The following CCND3 variants were observed in gnomAD, a reference collection of about 807,000 sequenced individuals.
CCND3 encodes G1/S-specific cyclin-D3.
In CCND3, 9 loss-of-function variants were observed where a neutral mutation model predicts 28.7. The ratio of observed to expected loss-of-function variants is 0.31; its 90% confidence interval spans 0.19 to 0.55. CCND3 has a LOEUF of 0.55. Ranked by LOEUF, CCND3 falls within the 20% of genes least tolerant of loss-of-function variation. The probability of loss-of-function intolerance (pLI) is 0.93; values close to 1 mark genes in which losing one functional copy is unlikely to be tolerated. For missense variants in CCND3, 315 were observed against 385.8 expected, an observed-to-expected ratio of 0.82 and a Z score of 1.54; for synonymous variants, 164 against 163.9, an observed-to-expected ratio of 1.00 and a Z score of 0.00.
In CCND3 at chr6:42,036,403, A is replaced by ATATATTT. The variant is rs57619585; in HGVS notation, c.-46+12097_-46+12098insAAATATA. The stretch of plus-strand genomic sequence containing the variant: ...TATATATATATATATATATATATAT[A>ATATATTT]TTTTTTTTTTTTTTTTTTTTTTTTG... On this transcript the variant is annotated intron_variant, in intron 1 of 4. Transcript: ENST00000372988. Among the ~76,000 whole-genome samples the ATATATTT allele has an allele frequency of 4.6e-3, 145 of 31,320 alleles. 6 individuals carry two copies. The highest frequency in any genetic ancestry group is 0.012 in the East Asian group (9 of 728). The allele number at this position is 31,320 out of a possible 152,430, so 20.5% of individuals were successfully genotyped here. A position where few individuals can be genotyped will look rare whatever the true frequency, so the allele number is the denominator to read the frequency against.
intron 1 of CCND3, among the ~76,000 whole-genome samples, chr6:42,003,525 CAAAAAAAAAAAAAAA>C (rs61494473): frequency 4.1e-5 from 3 of 73,506 alleles, no homozygotes; most frequent in East Asian, 3.9e-4. Context: ...GACTCTGTCT[CAAAAAAAAAAAAAAA>C]AAAAAAAAAA....
At chr6:42,014,697 G>T (rs1249770620) in intron 1 of CCND3, among the ~76,000 whole-genome samples, 1 of 152,086 alleles carries the variant, frequency 6.6e-6, no homozygotes, top group Non-Finnish European at 1.5e-5. Context: ...CTGAGGTTGG[G>T]GGATGGCCTG....
At chr6:41,937,111 C>T in intron 3 of CCND3, 124 bp downstream of exon 3, 1 of 1,050,134 alleles carries the variant, frequency 9.5e-7, no homozygotes, top group Non-Finnish European at 1.4e-6. Flanking sequence ...AGACTGGGGG[C>T]TCAGAGGGGG....
rs1251425173 is a variant in CCND3, at chr6:41,992,586, T to A, written c.-45-52001A>T. ...GCCTCAGCCTCCTAAGTAGCTGGGATAACAGGCATGCGCCACCACGCCCAG... is the reference window on the plus strand; with the variant it reads ...GCCTCAGCCTCCTAAGTAGCTGGGAAAACAGGCATGCGCCACCACGCCCAG... On this transcript the variant is annotated intron_variant, in intron 1 of 4. Transcript: ENST00000372988. Among the ~76,000 whole-genome samples, 6 of 150,980 alleles carry A rather than the reference T, an allele frequency of 4.0e-5. No individual in the cohort carries two copies. In the East Asian group the frequency reaches 1.2e-3, roughly 30 times the overall value.
chr6:41,948,969 C>T (rs1776238774), intron 1 of CCND3, among the ~76,000 whole-genome samples: 1 of 152,202 alleles, frequency 6.6e-6, no homozygotes, highest in Admixed American at 6.5e-5. Flanking sequence ...CATGTCCCAT[C>T]CAAAGCTCAA....
chr6:42,009,620 A>AAAAAAAC (rs113007450), intron 1 of CCND3, among the ~76,000 whole-genome samples: 2 of 150,390 alleles, frequency 1.3e-5, no homozygotes, highest in Admixed American at 6.6e-5. Context: ...TTCAAAACAA[A>AAAAAAAC]AAAACAAAAC....
chr6:41,973,362 T>C (rs1264564457), intron 1 of CCND3, among the ~76,000 whole-genome samples: 1 of 152,220 alleles, frequency 6.6e-6, no homozygotes, highest in Non-Finnish European at 1.5e-5. Context: ...TTCTCTTTTT[T>C]AAAATCTTAG....
At chr6:42,020,460 T>C (rs1028876913) in intron 1 of CCND3, among the ~76,000 whole-genome samples, 5 of 152,040 alleles carry the variant, frequency 3.3e-5, no homozygotes, top group African/African-American at 1.2e-4. Flanking sequence ...CTCTGTATGG[T>C]TCCAGCCTTC....
chr6:41,936,312 A>AC lies in CCND3; in HGVS notation c.712-206dup. ...AGAGCAGCCCTGCATCTGACACCAA[A>AC]CCCCCCACCCCCACTCCAGCACACC... On this transcript the variant is annotated intron_variant, in intron 4 of 4. Transcript: ENST00000372991. The surrounding 1 kb of genome is among the most constrained non-coding windows in gnomAD (Gnocchi z 4.4). 3.1e-6 allele frequency: 2 copies of AC among 652,472 alleles called. No individual in the cohort carries two copies. The highest frequency in any genetic ancestry group is 5.1e-6 in the Non-Finnish European group (2 of 390,706). 40.4% of individuals were successfully genotyped at this position (652,472 alleles called of 1,614,324 possible).
At position 42,027,160 on chromosome 6, in the gene CCND3, C is replaced by T. The variant is rs73733073; in HGVS notation, c.-46+21341G>A. 3.9e-3 allele frequency among the ~76,000 whole-genome samples: 597 copies of T among 152,308 alleles called. 5 individuals carry two copies. The highest frequency in any genetic ancestry group is 0.013 in the African/African-American group (551 of 41,578). On this transcript the variant is annotated intron_variant, in intron 1 of 4. Coordinates refer to the CCND3 transcript ENST00000372988. ...TCCAGGTGGTTAAGACACCACTAGGCCGGGCGCGGTGGCTCATGCCTGTAA... is the reference window on the plus strand; with the variant it reads ...TCCAGGTGGTTAAGACACCACTAGGTCGGGCGCGGTGGCTCATGCCTGTAA...
intron 1 of CCND3, among the ~76,000 whole-genome samples, chr6:42,037,095 C>T (rs1465812442): frequency 6.6e-6 from 1 of 151,648 alleles, no homozygotes; most frequent in African/African-American, 2.4e-5. Flanking sequence ...CCCGCCACCA[C>T]ACCTGGCTAA....
intron 1 of CCND3, among the ~76,000 whole-genome samples, chr6:42,044,172 C>T (rs902571166): frequency 6.6e-6 from 1 of 152,222 alleles, no homozygotes; most frequent in Non-Finnish European, 1.5e-5. Context: ...GCCGCAGAGG[C>T]GGAGGCCTGC....
intron 1 of CCND3, among the ~76,000 whole-genome samples, chr6:42,011,702 C>T (rs1318438557): frequency 6.6e-6 from 1 of 152,084 alleles, no homozygotes; most frequent in Non-Finnish European, 1.5e-5. Context: ...AGTACTGAGC[C>T]CTCCACCTGC....
intron 1 of CCND3, among the ~76,000 whole-genome samples, chr6:42,000,233 ACT>A (rs1491496488): frequency 7.0e-4 from 22 of 31,234 alleles, no homozygotes; most frequent in African/African-American, 2.3e-3. Context: ...TTGAAAACAT[ACT>A]TTTTTTTTTT....
intron 1 of CCND3, among the ~76,000 whole-genome samples, chr6:41,979,557 A>G (rs1762278603): frequency 6.7e-6 from 1 of 149,952 alleles, no homozygotes; most frequent in South Asian, 2.1e-4. Context: ...AAAGAAAAAT[A>G]TATATATATG....
intron 1 of CCND3, among the ~76,000 whole-genome samples, chr6:41,969,921 G>A (rs1761988930): frequency 6.6e-6 from 1 of 151,772 alleles, no homozygotes; most frequent in East Asian, 1.9e-4. Flanking sequence ...AAAATGGAAT[G>A]GTGAGCTGGG....
At chr6:41,969,680 G>A (rs1190801492) in intron 1 of CCND3, among the ~76,000 whole-genome samples, 7 of 152,100 alleles carry the variant, frequency 4.6e-5, no homozygotes, top group Non-Finnish European at 8.8e-5. Context: ...AGGTTGCAGT[G>A]AGCCGAGATG....
chr6:42,009,214 G>T (rs1398736935), intron 1 of CCND3, among the ~76,000 whole-genome samples: 1 of 152,198 alleles, frequency 6.6e-6, no homozygotes, highest in African/African-American at 2.4e-5. Flanking sequence ...GGTGGCTCAT[G>T]CCTATAACCC....
chr6:41,954,422 G>T (rs1776391234), intron 1 of CCND3, among the ~76,000 whole-genome samples: 1 of 151,360 alleles, frequency 6.6e-6, no homozygotes, highest in Non-Finnish European at 1.5e-5. Flanking sequence ...GTTGTGGCGT[G>T]CGCCTGTAAT....
Sources: gnomAD v4.1 joint callset for allele counts (sites outside exome capture counted in the v4.1 genomes callset) on GRCh38, gnomAD v4.1.1 for gene constraint, Gnocchi (gnomAD v3.1) non-coding constraint, MANE v1.5 for transcripts, NCBI Gene and HGNC (gene_info 2026-07-23, HGNC 2026-07-21) for gene names.